Variants in PCDHGB2 observed in about 807,000 individuals in gnomAD.
PCDHGB2 encodes the protein protocadherin gamma subfamily B, 2.
A neutral mutation model predicts 59.3 loss-of-function variants in PCDHGB2; 55 were observed. The ratio of observed to expected loss-of-function variants is 0.93; its 90% CI spans 0.75 to 1.16. The LOEUF (loss-of-function observed/expected upper bound fraction) is 1.16. PCDHGB2 is among the 50% of genes most tolerant of loss of function. The pLI, the probability that PCDHGB2 is intolerant of heterozygous loss-of-function variation, is 0.00. For missense variants in PCDHGB2, 1,228 were observed against 1,198.5 expected, an observed-to-expected ratio of 1.02 and a Z score of -0.36; for synonymous variants, 516 against 512.0, an observed-to-expected ratio of 1.01 and a Z score of -0.11.
intron 1 of PCDHGB2, chr5:141,422,634 T>C: frequency 1.9e-6 from 3 of 1,612,682 alleles, no homozygotes; most frequent in Non-Finnish European, 2.5e-6. Flanking sequence ...ACCCCAGGGG[T>C]GCCTCCATCT....
rs1374592449 is a variant in PCDHGB2 at position 141,387,964 on chromosome 5, C to T, written c.2421+25408C>T. ...CTCTTCCTGCTGTCTTTGTTCTGCC[C>T]GGCGCTCTGTGAGCAGATCCGCTAC... On this transcript the variant is annotated intron_variant, in intron 1 of 3. Transcript: ENST00000522605. 1.3e-6 allele frequency: 2 copies of T among 1,493,070 alleles called. No individual in the cohort carries two copies. The highest frequency in any genetic ancestry group is 2.2e-5 in the Admixed American group (1 of 45,422). 92.5% of individuals were successfully genotyped at this position (1,493,070 alleles called of 1,614,324 possible).
intron 1 of PCDHGB2, among the ~76,000 whole-genome samples, chr5:141,381,244 C>G (rs554184818): frequency 6.6e-6 from 1 of 152,242 alleles, no homozygotes; most frequent in South Asian, 2.1e-4. Context: ...TCTCCAGGAC[C>G]TAGAAGAATT....
At chr5:141,366,995 A>T in intron 1 of PCDHGB2, 2 of 462,060 alleles carry the variant, frequency 4.3e-6, no homozygotes, top group Non-Finnish European at 3.7e-6. Context: ...GGTTAAATAT[A>T]ATCATTTTAC....
chr5:141,501,130 G>C (rs528942194), intron 2 of PCDHGB2, among the ~76,000 whole-genome samples: 1 of 152,218 alleles, frequency 6.6e-6, no homozygotes, highest in South Asian at 2.1e-4. Flanking sequence ...GCCTCCCTAA[G>C]TGCTGGGATT....
intron 1 of PCDHGB2, among the ~76,000 whole-genome samples, chr5:141,425,105 G>C (rs1227234896): frequency 2.0e-5 from 3 of 152,236 alleles, no homozygotes; most frequent in African/African-American, 7.2e-5. Flanking sequence ...TCCAACAGAT[G>C]CCTACATTTT....
chr5:141,393,774 G>A (rs767667499), intron 1 of PCDHGB2: 9 of 1,613,824 alleles, frequency 5.6e-6, no homozygotes, highest in Non-Finnish European at 7.6e-6. Context: ...GGAAATACAA[G>A]CCGAAGATGT....
intron 1 of PCDHGB2, chr5:141,419,137 CAG>C (rs1561778402): frequency 1.2e-6 from 2 of 1,613,892 alleles, no homozygotes; most frequent in South Asian, 1.1e-5. Context: ...CAGCCACAGA[CAG>C]GGGCAAGCCT....
intron 1 of PCDHGB2, chr5:141,371,668 C>A: frequency 6.2e-7 from 1 of 1,614,026 alleles, no homozygotes; most frequent in Middle Eastern, 1.6e-4. Context: ...ATCACAGCTA[C>A]CGACAAAGGC....
At position 141,361,752 on chromosome 5, in the gene PCDHGB2, G is replaced by C. The variant is rs1860253; in HGVS notation, c.1617G>C (p.Ser539=). 6.1e-5 allele frequency: 99 copies of C among 1,612,892 alleles called. 1 individual carries two copies. The highest frequency in any genetic ancestry group is 3.3e-4 in the Middle Eastern group (2 of 6,058). Residue 539 remains serine (S), a synonymous_variant, in exon 1 of 4, where the codon TCG becomes TCC. Transcript: ENST00000522605. ...CACTGCAGGCCCGCGACCAGGGCTC[G>C]CCCGCGCTCAGCGCCAACGTGAGCC... The part of the protein sequence containing the change: ...ELTLQARDQG[S]PALSANVSLR...
chr5:141,414,783 G>C, intron 1 of PCDHGB2: 2 of 1,614,220 alleles, frequency 1.2e-6, no homozygotes, highest in Non-Finnish European at 1.7e-6. Context: ...AGATGCAGGT[G>C]ACAGCCAGCG....
chr5:141,494,790 C>A lies in PCDHGB2; in HGVS notation c.2422-17C>A, dbSNP rs909145. 17 of 1,614,014 alleles carry A rather than the reference C, an allele frequency of 1.1e-5. 1 individual carries two copies. The South Asian group carries it at 1.9e-4, about 18-fold the overall frequency. ...TCTCACGGGTACTCAGCCCCTTTCC[C>A]TCTGTTTTCTCCACAGCAAGCCCCG... On this transcript the variant is annotated splice_polypyrimidine_tract_variant and intron_variant, in intron 1 of 3. Transcript: ENST00000522605.
chr5:141,500,403 G>GT (rs2099800018), intron 2 of PCDHGB2, among the ~76,000 whole-genome samples: 1 of 151,706 alleles, frequency 6.6e-6, no homozygotes, highest in Non-Finnish European at 1.5e-5. Context: ...TAGAGACGGG[G>GT]TTTCACCGTG....
At chr5:141,438,053 C>T (rs1023159995) in intron 1 of PCDHGB2, among the ~76,000 whole-genome samples, 2 of 152,112 alleles carry the variant, frequency 1.3e-5, no homozygotes, top group African/African-American at 4.8e-5. Context: ...TTTGAGTTCA[C>T]TTTTAAGAAA....
In PCDHGB2 at chr5:141,491,803, C is replaced by T. The variant is rs2099730932; in HGVS notation, c.2422-3004C>T. ...CTTGCATCCACTCCTCTCCGGCCGG[C>T]TTGGTCGCTGGCTGCGCTCCACCCG... On this transcript the variant is annotated intron_variant, in intron 1 of 3. Transcript: ENST00000522605. This position sits in a 1 kb window ranked among gnomAD's most constrained non-coding sequence, Gnocchi z 6.9. 1 of 1,497,820 alleles carries T rather than the reference C, an allele frequency of 6.7e-7. No individual in the cohort carries two copies. Among genetic ancestry groups the T allele is most frequent in the Non-Finnish European group, 8.9e-7 (1 of 1,124,124 alleles). 92.8% of individuals were successfully genotyped at this position (1,497,820 alleles called of 1,614,324 possible).
At chr5:141,415,729 T>A in intron 1 of PCDHGB2, 1 of 1,442,780 alleles carries the variant, frequency 6.9e-7, no homozygotes, top group Non-Finnish European at 9.1e-7. Flanking sequence ...TAGAATTTGA[T>A]GTTTATTAAG....
At position 141,389,253 on chromosome 5, in the gene PCDHGB2, G is replaced by T. The variant is rs998614321; in HGVS notation, c.2421+26697G>T. The stretch of plus-strand genomic sequence containing the variant: ...GGTTTTCTCACAGTCTTCCTATATA[G>T]TCCACGTGGCCGAGAACAACCCGCC... On this transcript the variant is annotated intron_variant, in intron 1 of 3. Transcript: ENST00000522605. 1.9e-6 allele frequency: 3 copies of T among 1,613,892 alleles called. No homozygotes were observed. The highest frequency in any genetic ancestry group is 2.5e-6 in the Non-Finnish European group (3 of 1,179,902).
In PCDHGB2 at chr5:141,418,047, C is replaced by G. The variant is rs968352679; in HGVS notation, c.2421+55491C>G. The G allele has an allele frequency of 6.2e-6, 10 of 1,613,894 alleles. No individual in the cohort carries two copies. The highest frequency in any genetic ancestry group is 1.6e-4 in the Middle Eastern group (1 of 6,076). ...GGGCTTAGTGTCCTGGATGTGTCGG[C>G]TCGCGAGCTGCGAGTGAGCGCGGAG... On this transcript the variant is annotated intron_variant, in intron 1 of 3. Transcript: ENST00000522605.
rs2099883850 is a variant in PCDHGB2, at chr5:141,511,565, A to T, written c.*392A>T. The T allele has an allele frequency of 3.4e-6, 1 of 295,974 alleles. No homozygotes were observed. Among genetic ancestry groups the T allele is most frequent in the African/African-American group, 2.2e-5 (1 of 46,502 alleles). The allele number at this position is 295,974 out of a possible 1,614,324, so 18.3% of individuals were successfully genotyped here. The stretch of plus-strand genomic sequence containing the variant: ...CCACTCCAACAGTTCCTCTTTCCCG[A>T]GTAAGGTGGTTGGGGTGTTGAAGTA... On this transcript the variant is annotated 3_prime_UTR_variant, in exon 4 of 4. Coordinates refer to ENST00000522605, the MANE Select transcript of PCDHGB2 (RefSeq NM_018923.3).
chr5:141,388,930 C>G, intron 1 of PCDHGB2: 1 of 1,614,002 alleles, frequency 6.2e-7, no homozygotes, highest in South Asian at 1.1e-5. Flanking sequence ...ATATTCCAGT[C>G]TCTACCCAAC....
Sources: allele counts gnomAD v4.1 joint callset (sites outside exome capture counted in the v4.1 genomes callset), GRCh38; gene constraint gnomAD v4.1.1; non-coding constraint Gnocchi (gnomAD v3.1); transcripts MANE v1.5; gene names NCBI Gene and HGNC (gene_info 2026-07-23, HGNC 2026-07-21).